Variants in MYCBP2 observed in about 807,000 individuals in gnomAD.
MYCBP2 encodes the protein MYC binding protein 2.
Under a neutral mutation model 525.3 loss-of-function variants are expected in MYCBP2, and 120 were observed. That is an observed-to-expected ratio of 0.23 (90% CI 0.20 to 0.27). The LOEUF (loss-of-function observed/expected upper bound fraction) is 0.27, where lower values mean the gene tolerates loss of function less well. Ranked by LOEUF, MYCBP2 falls within the 10% of genes least tolerant of loss-of-function variation. The pLI, the probability that MYCBP2 is intolerant of heterozygous loss-of-function variation, is 1.00. For missense variants in MYCBP2, 4,149 were observed against 5,657.1 expected (o/e 0.73, Z 8.55); for synonymous variants, 1,894 against 1,955.8 (o/e 0.97, Z 0.83).
intron 17 of MYCBP2, among the ~76,000 whole-genome samples, chr13:77,235,175 CA>C: frequency 6.6e-6 from 1 of 151,988 alleles, no homozygotes; most frequent in Non-Finnish European, 1.5e-5. Flanking sequence ...CACTGGAATT[CA>C]GTCCACTAGG....
chr13:77,246,106 G>A (rs2069884774), intron 15 of MYCBP2, among the ~76,000 whole-genome samples: 1 of 152,128 alleles, frequency 6.6e-6, no homozygotes, highest in African/African-American at 2.4e-5. Context: ...TAGCTTTAAT[G>A]TAGTTCATCA....
chr13:77,235,446 A>G (rs1168659944), intron 17 of MYCBP2, among the ~76,000 whole-genome samples: 2 of 152,186 alleles, frequency 1.3e-5, no homozygotes, highest in Non-Finnish European at 2.9e-5. Flanking sequence ...CATTAAAAAT[A>G]CATGTAGCTG....
At chr13:77,119,318 T>A (rs2050297017) in intron 55 of MYCBP2, among the ~76,000 whole-genome samples, 1 of 152,174 alleles carries the variant, frequency 6.6e-6, no homozygotes, top group African/African-American at 2.4e-5. Flanking sequence ...ACATCCAGAC[T>A]AGGTGATGCA....
intron 18 of MYCBP2, among the ~76,000 whole-genome samples, chr13:77,227,310 G>C (rs1271554427): frequency 2.0e-5 from 3 of 149,912 alleles, no homozygotes; most frequent in Non-Finnish European, 4.4e-5. Context: ...ATCTAATGTG[G>C]GTTTGCCAAA....
chr13:77,188,352 C>T (rs1464273091), intron 30 of MYCBP2, among the ~76,000 whole-genome samples: 5 of 152,066 alleles, frequency 3.3e-5, no homozygotes, highest in African/African-American at 1.2e-4. Context: ...CATCTTACAC[C>T]CCTTATCTCA....
At chr13:77,279,236 C>T (rs6562988) in intron 3 of MYCBP2, among the ~76,000 whole-genome samples, 151,605 of 152,318 alleles carry the variant, frequency 1, 75,451 homozygotes, top group Middle Eastern at 1. Context: ...AAAGATTTTA[C>T]AAGGAGCTTT....
chr13:77,267,729 C>T, intron 8 of MYCBP2, 112 bp downstream of exon 8: 1 of 824,396 alleles, frequency 1.2e-6, no homozygotes, highest in Non-Finnish European at 2.0e-6. Flanking sequence ...TTTTAAAACC[C>T]TTTTATAAGC....
chr13:77,067,944 T>C, intron 70 of MYCBP2, 80 bp from the exon 71 acceptor site: 1 of 1,397,242 alleles, frequency 7.2e-7, no homozygotes, highest in Non-Finnish European at 9.6e-7. Context: ...TTTCTTTTTT[T>C]AAAGACAGGG....
chr13:77,056,099 G>GGGGTGT lies in MYCBP2; in HGVS notation c.13438-333_13438-332insACACCC, dbSNP rs536899192. Among the ~76,000 whole-genome samples the GGGGTGT allele has an allele frequency of 2.7e-3, 330 of 120,592 alleles. 2 individuals are homozygous for GGGGTGT. The highest frequency in any genetic ancestry group is 9.0e-3 in the African/African-American group (275 of 30,446). The allele number at this position is 120,592 out of a possible 152,430, so 79.1% of individuals were successfully genotyped here. ...CACAAATAAGACACGCTCTGTGTTT[G>GGGGTGT]GTGTGTGTGTGTGTGTGTGTGTGTG... On this transcript the variant is annotated intron_variant, in intron 79 of 82. Coordinates refer to ENST00000544440, the MANE Select transcript of MYCBP2 (RefSeq NM_015057.5).
At chr13:77,108,471 T>C (rs1389114239) in intron 55 of MYCBP2, among the ~76,000 whole-genome samples, 1 of 152,178 alleles carries the variant, frequency 6.6e-6, no homozygotes, top group Non-Finnish European at 1.5e-5. Flanking sequence ...ACAAGAAGGT[T>C]GGATATGCTT....
rs746151215 is a variant in MYCBP2, at chr13:77,098,648, C to T, written c.8506G>A (p.Gly2836Ser). The change falls in exon 56 of 83, where the codon GGT (glycine) becomes AGT (serine). Residue 2836 changes from glycine (G) to serine (S), a missense_variant. Transcript: ENST00000544440. Reference protein sequence around the residue: ...TLPANRSSPSGASSPRSSSPH... With the variant: ...TLPANRSSPSSASSPRSSSPH... The stretch of plus-strand genomic sequence containing the variant: ...GAGGAGGAGCGTGGAGAACTAGCAC[C>T]CGATGGGCTAGACCTATTGGCTGGG... The T allele has an allele frequency of 1.9e-6, 3 of 1,613,230 alleles. No individual in the cohort carries two copies. The highest frequency in any genetic ancestry group is 2.5e-6 in the Non-Finnish European group (3 of 1,179,638).
At chr13:77,093,943 C>G (rs182751309) in intron 58 of MYCBP2, among the ~76,000 whole-genome samples, 3 of 152,116 alleles carry the variant, frequency 2.0e-5, no homozygotes, top group Admixed American at 6.6e-5. Context: ...GCATTTTTCA[C>G]GTTTTACAAT....
At chr13:77,152,367 A>G (rs1446769840) in intron 46 of MYCBP2, among the ~76,000 whole-genome samples, 1 of 152,218 alleles carries the variant, frequency 6.6e-6, no homozygotes, top group East Asian at 1.9e-4. Context: ...AAAGCTTTAA[A>G]CTTTAAACAA....
At chr13:77,108,867 C>T (rs1231401245) in intron 55 of MYCBP2, among the ~76,000 whole-genome samples, 2 of 152,048 alleles carry the variant, frequency 1.3e-5, no homozygotes, top group East Asian at 1.9e-4. Flanking sequence ...CCACACCCAG[C>T]TAATTTTTTG....
At chr13:77,145,401 A>G (rs928916708) in intron 48 of MYCBP2, among the ~76,000 whole-genome samples, 1 of 152,012 alleles carries the variant, frequency 6.6e-6, no homozygotes, top group Non-Finnish European at 1.5e-5. Flanking sequence ...TTTTCTGACT[A>G]CCGTTTAATT....
At chr13:77,246,665 G>A (rs1473752513) in intron 15 of MYCBP2, among the ~76,000 whole-genome samples, 1 of 148,962 alleles carries the variant, frequency 6.7e-6, no homozygotes, top group East Asian at 1.9e-4. Context: ...AGAGGGGCAG[G>A]GGGAGGCAAA....
chr13:77,186,023 C>G lies in MYCBP2; in HGVS notation c.4292G>C (p.Trp1431Ser). 1 of 1,609,422 alleles carries G rather than the reference C, an allele frequency of 6.2e-7. No homozygotes were observed. The highest frequency in any genetic ancestry group is 8.5e-7 in the Non-Finnish European group (1 of 1,178,578). The change falls in exon 31 of 83, where the codon TGG becomes TCG. Residue 1431 changes from tryptophan to serine, a missense_variant. Trp to Ser is a radical substitution (Grantham distance 177). Transcript: ENST00000544440. ...ESLLSILHWS[W>S]TTLVLGVEEL... ...TTCAACTCCTAAGACTAAGGTGGTC[C>G]AGCTCCAGTGAAGAATACTCAACAA...
intron 55 of MYCBP2, among the ~76,000 whole-genome samples, chr13:77,105,618 GAAAA>G (rs371822880): frequency 3.2e-4 from 48 of 151,804 alleles, no homozygotes; most frequent in African/African-American, 1.1e-3. Flanking sequence ...ATACACAAAA[GAAAA>G]AAAGTTGATA....
intron 55 of MYCBP2, among the ~76,000 whole-genome samples, chr13:77,119,166 C>T (rs994542251): frequency 5.9e-5 from 9 of 152,086 alleles, no homozygotes; most frequent in Admixed American, 4.6e-4. Flanking sequence ...TCTAAAATAT[C>T]GATTCTAACA....
Sources: gnomAD v4.1 joint callset for allele counts (sites outside exome capture counted in the v4.1 genomes callset) on GRCh38, gnomAD v4.1.1 for gene constraint, MANE v1.5 for transcripts, NCBI Gene and HGNC (gene_info 2026-07-23, HGNC 2026-07-21) for gene names.